DMD: variants seen among roughly 807,000 people sequenced by gnomAD.
DMD encodes the protein dystrophin.
A neutral mutation model predicts 330.1 loss-of-function variants in DMD; 63 were observed. The ratio of observed to expected loss-of-function variants is 0.19; its 90% CI spans 0.16 to 0.24. The LOEUF (loss-of-function observed/expected upper bound fraction) is 0.24. Among genes scored for constraint, DMD ranks in the 10% least tolerant of loss-of-function variants. The pLI is 1.00. For missense variants in DMD, 3,344 were observed against 2,684.1 expected, an observed-to-expected ratio of 1.25 and a Z score of -5.43; for synonymous variants, 1,223 against 959.8, an observed-to-expected ratio of 1.27 and a Z score of -5.07.
chrX:33,298,543 T>G (rs2053616303), intron 1 of DMD, among the ~76,000 whole-genome samples: 1 of 112,096 alleles, frequency 8.9e-6, no homozygotes, highest in Admixed American at 9.5e-5. Flanking sequence ...GTTTGCTGTT[T>G]TGGCTGCAAA....
intron 1 of DMD, among the ~76,000 whole-genome samples, chrX:33,131,370 A>G (rs73190213): frequency 3.1e-3 from 347 of 112,082 alleles, no homozygotes; most frequent in Middle Eastern, 0.018. Flanking sequence ...ATGAGACTCA[A>G]GCAATTCTAA....
At chrX:31,527,047 C>T (rs1452560452) in intron 55 of DMD, among the ~76,000 whole-genome samples, 1 of 110,980 alleles carries the variant, frequency 9.0e-6, no homozygotes, top group African/African-American at 3.3e-5. Context: ...CCAGGGATGT[C>T]GAAGTTGCAG....
At chrX:33,221,253 C>A (rs980674687) in intron 1 of DMD, among the ~76,000 whole-genome samples, 21 of 111,389 alleles carry the variant, frequency 1.9e-4, no homozygotes, top group Non-Finnish European at 3.6e-4. Flanking sequence ...TAGATTATAC[C>A]TTGGGTATAT....
chrX:31,707,296 T>C (rs751561060), intron 52 of DMD, among the ~76,000 whole-genome samples: 2 of 111,477 alleles, frequency 1.8e-5, no homozygotes, highest in South Asian at 7.5e-4. Flanking sequence ...AATTGGTTTA[T>C]AACCTGCTGT....
chrX:32,283,869 A>G (rs1361941018), intron 43 of DMD, among the ~76,000 whole-genome samples: 2 of 111,721 alleles, frequency 1.8e-5, no homozygotes, highest in Non-Finnish European at 3.8e-5. Flanking sequence ...TACAGAAAAA[A>G]ATATCCATCC....
At chrX:32,441,156 C>A (rs749372513) in intron 28 of DMD, 24 bp downstream of exon 28, 2 of 1,202,642 alleles carry the variant, frequency 1.7e-6, no homozygotes, top group East Asian at 6.0e-5. Context: ...AAATTATCAT[C>A]ATTTGGCTTA....
chrX:31,428,628 T>A (rs1239355794), intron 60 of DMD, among the ~76,000 whole-genome samples: 2 of 111,810 alleles, frequency 1.8e-5, no homozygotes, highest in Non-Finnish European at 3.8e-5. Context: ...GTTCCTCCCA[T>A]CCTTCCATTC....
At chrX:31,791,227 T>G (rs779276733) in intron 50 of DMD, among the ~76,000 whole-genome samples, 2 of 112,455 alleles carry the variant, frequency 1.8e-5, no homozygotes, top group East Asian at 5.6e-4. Context: ...GATATCTCAA[T>G]CATTTGACAA....
At chrX:32,441,697 T>C (rs1278389693) in intron 27 of DMD, among the ~76,000 whole-genome samples, 2 of 111,658 alleles carry the variant, frequency 1.8e-5, no homozygotes, top group Non-Finnish European at 3.8e-5. Flanking sequence ...ATTTATCATA[T>C]ATAATTTGAT....
At chrX:31,265,800 GGT>G in intron 62 of DMD, among the ~76,000 whole-genome samples, 9 of 60,132 alleles carry the variant, frequency 1.5e-4, no homozygotes, top group Admixed American at 4.3e-4. Context: ...GGGGGGGGTG[GGT>G]GACAAGGAGA....
chrX:33,101,811 T>C (rs1380796533), intron 1 of DMD, among the ~76,000 whole-genome samples: 1 of 112,131 alleles, frequency 8.9e-6, no homozygotes, highest in Non-Finnish European at 1.9e-5. Context: ...ACATTTTTTC[T>C]CTTTTTTAAA....
At chrX:31,669,515 T>G (rs1010093221) in intron 53 of DMD, among the ~76,000 whole-genome samples, 3 of 111,775 alleles carry the variant, frequency 2.7e-5, no homozygotes, top group Non-Finnish European at 3.8e-5. Context: ...GGGGCCAAAT[T>G]TCATTATTTT....
At chrX:32,781,945 G>T (rs2074807508) in intron 7 of DMD, among the ~76,000 whole-genome samples, 1 of 111,270 alleles carries the variant, frequency 9.0e-6, no homozygotes, top group Admixed American at 9.6e-5. Context: ...AAGATAGCAA[G>T]ATATCTCAGT....
At chrX:32,139,544 A>G (rs2096742886) in intron 44 of DMD, among the ~76,000 whole-genome samples, 1 of 112,477 alleles carries the variant, frequency 8.9e-6, no homozygotes, top group South Asian at 3.7e-4. Context: ...AACTATATAA[A>G]TCTATAGACA....
intron 43 of DMD, among the ~76,000 whole-genome samples, chrX:32,254,032 A>G (rs2097288552): frequency 9.0e-6 from 1 of 110,832 alleles, no homozygotes; most frequent in Non-Finnish European, 1.9e-5. Context: ...AGAGTTTATT[A>G]AAGCTTATTT....
chrX:31,745,529 T>C (rs748073402), intron 51 of DMD, among the ~76,000 whole-genome samples: 2 of 112,062 alleles, frequency 1.8e-5, no homozygotes, highest in South Asian at 3.7e-4. Flanking sequence ...GCCTCTTGTA[T>C]CTCCTCTTTG....
At chrX:31,561,937 A>G (rs770160519) in intron 55 of DMD, among the ~76,000 whole-genome samples, 57 of 112,384 alleles carry the variant, frequency 5.1e-4, no homozygotes, top group African/African-American at 1.8e-3. Context: ...TTGATACATT[A>G]TTTGTTCCTC....
At chrX:32,746,091 G>T (rs2069969693) in intron 7 of DMD, among the ~76,000 whole-genome samples, 1 of 112,120 alleles carries the variant, frequency 8.9e-6, no homozygotes, top group African/African-American at 3.2e-5. Context: ...AGAATTGAAA[G>T]TCTCTTATCA....
At chrX:31,963,110 G>A (rs1014733070) in intron 45 of DMD, among the ~76,000 whole-genome samples, 25 of 111,917 alleles carry the variant, frequency 2.2e-4, no homozygotes, top group African/African-American at 7.1e-4. Context: ...GAAGCGCATA[G>A]AGCAATATGA....
Sources: allele counts gnomAD v4.1 joint callset (sites outside exome capture counted in the v4.1 genomes callset), GRCh38; gene constraint gnomAD v4.1.1; transcripts MANE v1.5; gene names NCBI Gene and HGNC (gene_info 2026-07-23, HGNC 2026-07-21).